NBEA: variants seen among roughly 807,000 people sequenced by gnomAD.
NBEA encodes the protein neurobeachin, also known as lysosomal-trafficking regulator 2.
A neutral mutation model predicts 343.4 loss-of-function variants in NBEA; 44 were observed. The ratio of observed to expected loss-of-function variants is 0.13; its 90% CI spans 0.10 to 0.16. The LOEUF is 0.16. NBEA is among the 10% of genes least tolerant of loss of function. The probability of loss-of-function intolerance (pLI) is 1.00; values close to 1 mark genes in which losing one functional copy is unlikely to be tolerated. For missense variants in NBEA, 2,555 were observed against 3,631.3 expected, an observed-to-expected ratio of 0.70 and a Z score of 7.62; for synonymous variants, 1,175 against 1,238.7, an observed-to-expected ratio of 0.95 and a Z score of 1.08.
At chr13:35,238,336 A>G (rs2075328581) in intron 34 of NBEA, among the ~76,000 whole-genome samples, 1 of 152,206 alleles carries the variant, frequency 6.6e-6, no homozygotes, top group Non-Finnish European at 1.5e-5. Flanking sequence ...GAAATGGGAG[A>G]GAAAAGTCAG....
At chr13:35,158,851 A>G (rs1279830005) in intron 21 of NBEA, among the ~76,000 whole-genome samples, 165 bp from the exon 22 acceptor site, 1 of 152,126 alleles carries the variant, frequency 6.6e-6, no homozygotes, top group Non-Finnish European at 1.5e-5. Context: ...ATTTCCAGTT[A>G]CTTAATGAAA....
At chr13:35,535,980 A>G (rs2078520618) in intron 41 of NBEA, among the ~76,000 whole-genome samples, 3 of 152,200 alleles carry the variant, frequency 2.0e-5, no homozygotes, top group African/African-American at 7.2e-5. Flanking sequence ...GTTTGCCTGC[A>G]TGAGGTTATG....
At chr13:35,574,950 A>G (rs191354262) in intron 45 of NBEA, among the ~76,000 whole-genome samples, 28 of 152,172 alleles carry the variant, frequency 1.8e-4, no homozygotes, top group Non-Finnish European at 2.8e-4. Context: ...GGGTTTCACC[A>G]TGTGGGCCAG....
At chr13:35,032,288 T>C (rs1255691012) in intron 1 of NBEA, among the ~76,000 whole-genome samples, 1 of 151,916 alleles carries the variant, frequency 6.6e-6, no homozygotes, top group African/African-American at 2.4e-5. Flanking sequence ...GTGTTCCCCT[T>C]TCTTTACAAC....
intron 39 of NBEA, among the ~76,000 whole-genome samples, chr13:35,437,851 A>G (rs1281872697): frequency 6.6e-6 from 1 of 152,236 alleles, no homozygotes; most frequent in Non-Finnish European, 1.5e-5. Flanking sequence ...ATATTAAAAT[A>G]AAACCTAGAC....
At chr13:35,090,092 A>AT (rs1555300353) in intron 10 of NBEA, among the ~76,000 whole-genome samples, 11 of 151,544 alleles carry the variant, frequency 7.3e-5, no homozygotes, top group Admixed American at 2.0e-4. Flanking sequence ...AAATAAATAA[A>AT]AATCTGGCTG....
chr13:35,578,923 T>C (rs2080877514), intron 45 of NBEA, among the ~76,000 whole-genome samples: 1 of 146,650 alleles, frequency 6.8e-6, no homozygotes, highest in Non-Finnish European at 1.5e-5. Flanking sequence ...CTACAGGTCA[T>C]CTTAAACTTT....
chr13:35,655,892 C>T (rs193125545), intron 55 of NBEA, 143 bp downstream of exon 55: 150 of 670,530 alleles, frequency 2.2e-4, no homozygotes, highest in Middle Eastern at 4.2e-4. Context: ...TGTACTGGAA[C>T]GTAGCTATGT....
intron 34 of NBEA, among the ~76,000 whole-genome samples, chr13:35,269,820 A>G (rs1423304777): frequency 2.6e-5 from 4 of 152,166 alleles, no homozygotes; most frequent in African/African-American, 4.8e-5. Flanking sequence ...TAAGAGAAAT[A>G]ATGCAGAAAA....
chr13:35,433,966 C>T (rs1271984744), intron 39 of NBEA, among the ~76,000 whole-genome samples: 1 of 151,998 alleles, frequency 6.6e-6, no homozygotes, highest in African/African-American at 2.4e-5. Context: ...CATATAAAGA[C>T]AATTTGTAAC....
chr13:35,635,042 A>G (rs1402623418), intron 49 of NBEA, among the ~76,000 whole-genome samples: 1 of 152,202 alleles, frequency 6.6e-6, no homozygotes, highest in Admixed American at 6.5e-5. Context: ...TTTTCTGAGA[A>G]GATGAATTCA....
chr13:35,539,138 C>T (rs1007462745), intron 41 of NBEA, among the ~76,000 whole-genome samples: 1 of 152,088 alleles, frequency 6.6e-6, no homozygotes, highest in Non-Finnish European at 1.5e-5. Flanking sequence ...ATGAAGAATG[C>T]AGAGACATAC....
rs57960501 is a variant in NBEA, at chr13:35,552,061, G to A, written c.6806+1029G>A. Among the ~76,000 whole-genome samples, 398 of 152,272 alleles carry A rather than the reference G, an allele frequency of 2.6e-3. 3 individuals are homozygous for A. Among genetic ancestry groups the A allele is most frequent in the African/African-American group, 9.0e-3 (374 of 41,542 alleles). On this transcript the variant is annotated intron_variant, in intron 43 of 58. Coordinates refer to ENST00000379939, the MANE Select transcript of NBEA (RefSeq NM_001385012.1). ...CCTACATGAACAAAAGAGGATTTCCGTTGATGAAGAACAAAGGGAGATTGA... is the reference window on the plus strand; with the variant it reads ...CCTACATGAACAAAAGAGGATTTCCATTGATGAAGAACAAAGGGAGATTGA...
intron 8 of NBEA, among the ~76,000 whole-genome samples, chr13:35,068,292 A>G (rs2063730234): frequency 6.6e-6 from 1 of 152,210 alleles, no homozygotes; most frequent in South Asian, 2.1e-4. Flanking sequence ...AGGTTTTATT[A>G]GATATCTTAC....
At chr13:35,256,513 T>A (rs2032612202) in intron 34 of NBEA, among the ~76,000 whole-genome samples, 2 of 152,168 alleles carry the variant, frequency 1.3e-5, no homozygotes, top group South Asian at 4.1e-4. Flanking sequence ...AGGTGGAGCT[T>A]CACCAGGGTC....
intron 17 of NBEA, among the ~76,000 whole-genome samples, chr13:35,138,104 T>C (rs1309138866): frequency 2.6e-5 from 4 of 152,128 alleles, no homozygotes; most frequent in Admixed American, 6.5e-5. Context: ...GGAAGTAGTA[T>C]AAATGGTTAG....
At chr13:34,975,654 G>A (rs2060146091) in intron 1 of NBEA, among the ~76,000 whole-genome samples, 1 of 152,040 alleles carries the variant, frequency 6.6e-6, no homozygotes, top group African/African-American at 2.4e-5. Context: ...AACCCACAGA[G>A]TGGGAGAAAA....
At chr13:35,533,612 T>TA (rs2078379913) in intron 41 of NBEA, among the ~76,000 whole-genome samples, 3 of 152,156 alleles carry the variant, frequency 2.0e-5, no homozygotes, top group African/African-American at 7.2e-5. Flanking sequence ...ACTGCCCTAT[T>TA]ACCTCAAATT....
intron 40 of NBEA, among the ~76,000 whole-genome samples, chr13:35,455,674 C>T (rs1223126482): frequency 6.6e-6 from 1 of 151,962 alleles, no homozygotes; most frequent in South Asian, 2.1e-4. Context: ...AAAAAGAGTT[C>T]GGCTTAGGGT....
Sources: allele counts gnomAD v4.1 joint callset (sites outside exome capture counted in the v4.1 genomes callset), GRCh38; gene constraint gnomAD v4.1.1; transcripts MANE v1.5; gene names NCBI Gene and HGNC (gene_info 2026-07-23, HGNC 2026-07-21).